Variants in PLCH1 observed in about 807,000 individuals in gnomAD.
PLCH1 encodes phospholipase C eta 1, also known as 1-phosphatidylinositol 4,5-bisphosphate phosphodiesterase eta-1.
In PLCH1, 60 loss-of-function variants were observed where a neutral mutation model predicts 126.7. That is an observed-to-expected ratio of 0.47 (90% CI 0.38 to 0.59). PLCH1 has a LOEUF of 0.59. Among genes scored for constraint, PLCH1 ranks in the 20% least tolerant of loss-of-function variants. The pLI, the probability that PLCH1 is intolerant of heterozygous loss-of-function variation, is 0.00. For synonymous variants in PLCH1, 719 were observed against 734.9 expected (o/e 0.98, Z 0.35); for missense variants, 1,723 against 2,040.0 (o/e 0.84, Z 2.99).
At chr3:155,614,160 A>T (rs1735487086) in intron 2 of PLCH1, among the ~76,000 whole-genome samples, 1 of 152,222 alleles carries the variant, frequency 6.6e-6, no homozygotes, top group Non-Finnish European at 1.5e-5. Context: ...ACACAAACAA[A>T]TGGAAACACA....
At chr3:155,544,149 G>A (rs903196565) in intron 10 of PLCH1, among the ~76,000 whole-genome samples, 5 of 152,026 alleles carry the variant, frequency 3.3e-5, no homozygotes, top group East Asian at 3.9e-4. Flanking sequence ...CCCATCTCAC[G>A]TGCAGACACA....
intron 10 of PLCH1, among the ~76,000 whole-genome samples, chr3:155,524,670 A>C (rs1392335013): frequency 6.6e-6 from 1 of 152,200 alleles, no homozygotes; most frequent in Non-Finnish European, 1.5e-5. Context: ...AGAATTAATT[A>C]GAGATACTAT....
downstream of PLCH1, among the ~76,000 whole-genome samples, chr3:155,478,052 A>T (rs1713620085): frequency 6.6e-6 from 1 of 152,176 alleles, no homozygotes; most frequent in South Asian, 2.1e-4. Flanking sequence ...TACACAATGG[A>T]GTACTATTCA....
At chr3:155,722,663 T>C (rs1206363022) in intron 1 of PLCH1, among the ~76,000 whole-genome samples, 1 of 152,232 alleles carries the variant, frequency 6.6e-6, no homozygotes, top group African/African-American at 2.4e-5. Context: ...GCATCCCTAG[T>C]ATGAAACCCG....
intron 1 of PLCH1, chr3:155,743,333 A>C (rs771102256): frequency 2.4e-6 from 1 of 417,662 alleles, no homozygotes; most frequent in South Asian, 1.7e-5. Flanking sequence ...GGAGTTCCAG[A>C]CCAGCCTGGC....
At chr3:155,684,321 G>C (rs1744773157) in intron 2 of PLCH1, among the ~76,000 whole-genome samples, 1 of 152,146 alleles carries the variant, frequency 6.6e-6, no homozygotes, top group Admixed American at 6.5e-5. Flanking sequence ...GAACACAACA[G>C]CCACATCTCT....
intron 7 of PLCH1, among the ~76,000 whole-genome samples, chr3:155,565,393 C>T (rs1000136251): frequency 6.6e-6 from 1 of 152,012 alleles, no homozygotes; most frequent in Non-Finnish European, 1.5e-5. Context: ...GTGGACCCCT[C>T]AAGGCTTGGT....
At chr3:155,491,252 C>T (rs531908430) in intron 18 of PLCH1, among the ~76,000 whole-genome samples, 6 of 152,086 alleles carry the variant, frequency 3.9e-5, no homozygotes, top group African/African-American at 4.8e-5. Context: ...GTGGAATATA[C>T]GTTTTTTGTT....
chr3:155,622,437 A>G (rs1444709285), intron 2 of PLCH1, among the ~76,000 whole-genome samples: 8 of 152,354 alleles, frequency 5.3e-5, no homozygotes, highest in Non-Finnish European at 1.2e-4. Flanking sequence ...TAAATGGGCT[A>G]AATGCCCCCA....
At chr3:155,612,497 C>G (rs111782229) in intron 2 of PLCH1, among the ~76,000 whole-genome samples, 20,065 of 151,462 alleles carry the variant, frequency 0.13, 2,028 homozygotes, top group East Asian at 0.43. Flanking sequence ...TAACCAAGAT[C>G]AGAGCAGAAC....
chr3:155,705,102 C>A (rs561027909), intron 1 of PLCH1, among the ~76,000 whole-genome samples: 1 of 152,184 alleles, frequency 6.6e-6, no homozygotes, highest in Non-Finnish European at 1.5e-5. Context: ...CAAAACCAAG[C>A]AAGGCTGGCA....
intron 2 of PLCH1, among the ~76,000 whole-genome samples, chr3:155,695,607 G>A (rs1166666864): frequency 2.0e-5 from 3 of 152,276 alleles, no homozygotes; most frequent in Admixed American, 2.0e-4. Context: ...ATAGAAGTCA[G>A]AACAGTCTCT....
chr3:155,475,389 A>G (rs532506552), downstream of PLCH1, among the ~76,000 whole-genome samples: 1 of 152,154 alleles, frequency 6.6e-6, no homozygotes, highest in African/African-American at 2.4e-5. Context: ...CAAATAAACA[A>G]TCTAACAATG....
intron 18 of PLCH1, 110 bp from the exon 19 acceptor site, chr3:155,490,978 C>A: frequency 3.1e-6 from 2 of 636,172 alleles, no homozygotes; most frequent in South Asian, 2.0e-5. Context: ...ACTGATTTTA[C>A]AAGGTGCTTA....
rs1187908340 is a variant in PLCH1, at chr3:155,485,341, C to T, written c.2974+15G>A. On this transcript the variant is annotated intron_variant, in intron 22 of 22. Coordinates refer to ENST00000460012, the MANE Select transcript of PLCH1 (RefSeq NM_014996.4). ...CTAGAAGGGTTTATTCTCAGAGAAA[C>T]TTAAAGCATCTTACCTAGAGAGTTT... 3 of 1,551,116 alleles carry T rather than the reference C, an allele frequency of 1.9e-6. No homozygotes were observed. The East Asian group carries it at 6.8e-5, about 35-fold the overall frequency.
chr3:155,634,986 C>A (rs138295588), intron 2 of PLCH1, among the ~76,000 whole-genome samples: 2 of 152,254 alleles, frequency 1.3e-5, no homozygotes, highest in African/African-American at 4.8e-5. Context: ...CTTCCCTGGA[C>A]TGGACTCACT....
At chr3:155,723,086 T>TA (rs1421210575) in intron 1 of PLCH1, among the ~76,000 whole-genome samples, 1 of 152,246 alleles carries the variant, frequency 6.6e-6, no homozygotes, top group Non-Finnish European at 1.5e-5. Context: ...CCATCTTCTC[T>TA]AGGTTTTCTA....
intron 12 of PLCH1, among the ~76,000 whole-genome samples, chr3:155,511,663 C>T (rs1348960256): frequency 1.4e-5 from 2 of 140,840 alleles, no homozygotes; most frequent in East Asian, 2.0e-4. Context: ...TTAGGCTGCT[C>T]GGGGGTCAGG....
intron 12 of PLCH1, among the ~76,000 whole-genome samples, chr3:155,513,191 C>T (rs1335139573): frequency 1.3e-5 from 2 of 152,180 alleles, no homozygotes; most frequent in African/African-American, 4.8e-5. Flanking sequence ...CACAGAGGGC[C>T]TCGTCTCAAC....
Sources: gnomAD v4.1 joint callset for allele counts (sites outside exome capture counted in the v4.1 genomes callset) on GRCh38, gnomAD v4.1.1 for gene constraint, MANE v1.5 for transcripts, NCBI Gene and HGNC (gene_info 2026-07-23, HGNC 2026-07-21) for gene names.